The following KPNA7 variants were observed in gnomAD, a reference collection of about 807,000 sequenced individuals.
The protein encoded by KPNA7 is importin subunit alpha-8.
A neutral mutation model predicts 53.7 loss-of-function variants in KPNA7; 54 were observed. The observed-to-expected ratio is 1.01, with a 90% confidence interval of 0.81 to 1.26. KPNA7 has a LOEUF of 1.26. Ranked by LOEUF, KPNA7 falls within the 50% of genes most tolerant of loss-of-function variation. The probability of loss-of-function intolerance (pLI) is 0.00; values close to 1 mark genes in which losing one functional copy is unlikely to be tolerated. For synonymous variants in KPNA7, 276 were observed against 259.3 expected (o/e 1.06, Z -0.62); for missense variants, 640 against 644.5 (o/e 0.99, Z 0.07).
chr7:99,196,126 C>G lies in KPNA7; in HGVS notation c.242G>C (p.Ser81Thr). The G allele has an allele frequency of 3.2e-6, 5 of 1,551,822 alleles. No homozygotes were observed. The highest frequency in any genetic ancestry group is 4.4e-6 in the Non-Finnish European group (5 of 1,146,980). Residue 81 changes from serine (S) to threonine (T), a missense_variant, in exon 4 of 11, where the codon AGC (serine) becomes ACC (threonine). Physicochemically the swap from Ser to Thr is moderately conservative, Grantham distance 58 (BLOSUM62 1). Coordinates refer to ENST00000327442, the MANE Select transcript of KPNA7 (RefSeq NM_001145715.3). The stretch of plus-strand genomic sequence containing the variant: ...CTGGAAACATAGGACTGGATCTGAG[C>G]TATTCACACCTTTGATTATTTCACC... ...TLGEIIKGVN[S>T]SDPVLCFQAT...
intron 7 of KPNA7, among the ~76,000 whole-genome samples, chr7:99,185,853 C>T (rs187109248): frequency 2.6e-5 from 4 of 152,198 alleles, no homozygotes; most frequent in South Asian, 2.1e-4. Flanking sequence ...TATAGTGGTA[C>T]GATTTTGGTT....
At chr7:99,146,500 G>A in the KPNA7 span, among the ~76,000 whole-genome samples, 3 of 151,982 alleles carry the variant, frequency 2.0e-5, no homozygotes, top group Admixed American at 6.6e-5. Flanking sequence ...GATTACCTGC[G>A]AGCAGGAGTT....
intron 6 of KPNA7, 37 bp downstream of exon 6, chr7:99,192,982 T>C (rs1471907948): frequency 4.7e-5 from 63 of 1,348,222 alleles, no homozygotes; most frequent in Admixed American, 1.8e-4. Context: ...AAAATTTTAA[T>C]TTAAAAAAAA....
chr7:99,157,615 TAG>T, the KPNA7 span, among the ~76,000 whole-genome samples: 2 of 152,368 alleles, frequency 1.3e-5, no homozygotes, highest in East Asian at 1.9e-4. Context: ...GTATTCCTGT[TAG>T]ATTTCTTCTA....
At chr7:99,184,732 G>A (rs1037110970) in intron 8 of KPNA7, among the ~76,000 whole-genome samples, 197 bp downstream of exon 8, 13 of 151,988 alleles carry the variant, frequency 8.6e-5, no homozygotes, top group Non-Finnish European at 1.9e-4. Context: ...TGCTTGTTCC[G>A]TCTTCCAAAT....
intron 6 of KPNA7, among the ~76,000 whole-genome samples, chr7:99,190,840 C>T (rs1422013443): frequency 1.3e-5 from 2 of 151,744 alleles, no homozygotes; most frequent in Non-Finnish European, 2.9e-5. Flanking sequence ...AAGCAAGCGG[C>T]CAGCCAGGTC....
chr7:99,193,694 G>A (rs1790080319), intron 5 of KPNA7, among the ~76,000 whole-genome samples: 1 of 151,392 alleles, frequency 6.6e-6, no homozygotes, highest in South Asian at 2.1e-4. Context: ...GCGGGGGAGG[G>A]GGATACAGGA....
intron 6 of KPNA7, among the ~76,000 whole-genome samples, chr7:99,191,645 T>C (rs1011996675): frequency 1.3e-5 from 2 of 152,032 alleles, no homozygotes; most frequent in Non-Finnish European, 2.9e-5. Context: ...ATGTCAGATT[T>C]TTCTCCCATC....
chr7:99,190,627 A>G (rs1217036032), intron 6 of KPNA7, among the ~76,000 whole-genome samples: 1 of 151,558 alleles, frequency 6.6e-6, no homozygotes, highest in Non-Finnish European at 1.5e-5. Context: ...CAGTATGTAA[A>G]TGAGTGTGGC....
At chr7:99,147,543 C>A in the KPNA7 span, among the ~76,000 whole-genome samples, 1 of 152,246 alleles carries the variant, frequency 6.6e-6, no homozygotes, top group African/African-American at 2.4e-5. Flanking sequence ...GTAATCCCAG[C>A]ATTTTGGGAG....
the KPNA7 span, among the ~76,000 whole-genome samples, chr7:99,165,157 A>G: frequency 4.6e-5 from 7 of 152,188 alleles, no homozygotes; most frequent in Admixed American, 4.6e-4. Flanking sequence ...TAAAAATAAA[A>G]TAAAATCTGC....
intron 9 of KPNA7, among the ~76,000 whole-genome samples, chr7:99,180,099 C>T (rs958620451): frequency 5.9e-5 from 9 of 152,196 alleles, no homozygotes; most frequent in Non-Finnish European, 1.5e-5. Context: ...TTTTAGACCC[C>T]TTACTCATAG....
chr7:99,152,655 C>T, the KPNA7 span, among the ~76,000 whole-genome samples: 1 of 152,174 alleles, frequency 6.6e-6, no homozygotes, highest in Non-Finnish European at 1.5e-5. Context: ...AACTTTATTT[C>T]TTGTAAGGCA....
chr7:99,160,644 C>T, the KPNA7 span, among the ~76,000 whole-genome samples: 2 of 152,156 alleles, frequency 1.3e-5, no homozygotes, highest in South Asian at 2.1e-4. Context: ...CTAACACTTA[C>T]ATTTGATTCT....
intron 1 of KPNA7, 48 bp from the exon 2 acceptor site, chr7:99,207,537 G>C: frequency 1.1e-6 from 1 of 914,568 alleles, no homozygotes; most frequent in Non-Finnish European, 1.7e-6. Flanking sequence ...CATTGTGTGG[G>C]TTATTATGTC....
In KPNA7 at chr7:99,208,067, G is replaced by A. The variant is rs1790912951; in HGVS notation, c.-63C>T. ...AACAGTCTGGACTTCTCAGCTCCATGTCCTATTTCTGCAAGACCTGCTTGT... is the reference window on the plus strand; with the variant it reads ...AACAGTCTGGACTTCTCAGCTCCATATCCTATTTCTGCAAGACCTGCTTGT... On this transcript the variant is annotated 5_prime_UTR_variant, in exon 1 of 11. Coordinates refer to ENST00000327442, the MANE Select transcript of KPNA7 (RefSeq NM_001145715.3). Among the ~76,000 whole-genome samples the A allele has an allele frequency of 6.6e-6, 1 of 152,038 alleles. No homozygotes were observed. Among genetic ancestry groups the A allele is most frequent in the African/African-American group, 2.4e-5 (1 of 41,410 alleles).
chr7:99,156,119 T>C, the KPNA7 span, among the ~76,000 whole-genome samples: 1 of 152,262 alleles, frequency 6.6e-6, no homozygotes, highest in South Asian at 2.1e-4. Flanking sequence ...ATTTCTCTTT[T>C]TGGGAGGTGG....
chr7:99,212,995 G>C (rs1368738317), upstream of KPNA7, among the ~76,000 whole-genome samples: 2 of 152,116 alleles, frequency 1.3e-5, no homozygotes, highest in African/African-American at 4.8e-5. Flanking sequence ...ATGTCAAGAG[G>C]ATCATCAGTT....
chr7:99,194,094 T>C (rs988528054), intron 5 of KPNA7, among the ~76,000 whole-genome samples: 1 of 152,194 alleles, frequency 6.6e-6, no homozygotes, highest in Non-Finnish European at 1.5e-5. Context: ...ACGGGAGTTA[T>C]TGCTTCTCTG....
Sources: allele counts gnomAD v4.1 joint callset (sites outside exome capture counted in the v4.1 genomes callset), GRCh38; gene constraint gnomAD v4.1.1; transcripts MANE v1.5; gene names NCBI Gene and HGNC (gene_info 2026-07-23, HGNC 2026-07-21).